CEACAM19: variants seen among roughly 807,000 people sequenced by gnomAD.
CEACAM19 encodes cell adhesion molecule CEACAM19.
Under a neutral mutation model 37.6 loss-of-function variants are expected in CEACAM19, and 37 were observed. The ratio of observed to expected loss-of-function variants is 0.98; its 90% CI spans 0.76 to 1.29. CEACAM19 has a LOEUF of 1.29. CEACAM19 is among the 50% of genes most tolerant of loss of function. The probability of loss-of-function intolerance (pLI) is 0.00; values close to 1 mark genes in which losing one functional copy is unlikely to be tolerated. For synonymous variants in CEACAM19, 140 were observed against 149.8 expected, an observed-to-expected ratio of 0.93 and a Z score of 0.48; for missense variants, 340 against 375.6, an observed-to-expected ratio of 0.91 and a Z score of 0.78.
At chr19:44,668,876 G>C (rs1425492075), upstream of CEACAM19, among the ~76,000 whole-genome samples, 2 of 132,978 alleles carry the variant, frequency 1.5e-5, no homozygotes, top group East Asian at 4.3e-4. Context: ...CCGGAGTGCA[G>C]TGGCACAATC....
upstream of CEACAM19, among the ~76,000 whole-genome samples, chr19:44,670,781 GAAAAAAAAAAAAAAAAAAAA>G (rs74691226): frequency 1.7e-5 from 1 of 58,156 alleles, no homozygotes; most frequent in East Asian, 8.3e-4. Context: ...CCTGTCTCAA[GAAAAAAAAAAAAAAAAAAAA>G]AAAAAAAAAA....
intron 5 of CEACAM19, 48 bp from the exon 6 acceptor site, chr19:44,681,179 C>T (rs1974050948): frequency 1.5e-6 from 2 of 1,312,638 alleles, no homozygotes; most frequent in Non-Finnish European, 2.2e-6. Context: ...TCAGAGTGGC[C>T]TGTGGGGCCC....
intron 3 of CEACAM19, 105 bp from the exon 4 acceptor site, chr19:44,678,748 C>T (rs761521139): frequency 1.4e-6 from 2 of 1,477,192 alleles, no homozygotes; most frequent in Non-Finnish European, 1.8e-6. Context: ...ACACCTTCCA[C>T]CCCCTCCCCC....
chr19:44,671,827 C>T lies in CEACAM19; in HGVS notation c.-105C>T, dbSNP rs930871556. On this transcript the variant is annotated 5_prime_UTR_variant, in exon 1 of 8. Coordinates refer to ENST00000358777, the MANE Select transcript of CEACAM19 (RefSeq NM_001127893.3). Reference sequence around the variant, plus strand: ...CCCCAGCGGTGTCTCTAAGGCACCCCTGGGATCCCCACTGAGCTGGCCTAC... The same window carrying T: ...CCCCAGCGGTGTCTCTAAGGCACCCTTGGGATCCCCACTGAGCTGGCCTAC... 4 of 985,042 alleles carry T rather than the reference C, an allele frequency of 4.1e-6. No homozygotes were observed. The highest frequency in any genetic ancestry group is 6.2e-6 in the Non-Finnish European group (4 of 646,390). 61.0% of individuals were successfully genotyped at this position (985,042 alleles called of 1,614,324 possible).
At chr19:44,677,161 C>G (rs1245116128) in intron 3 of CEACAM19, among the ~76,000 whole-genome samples, 1 of 152,066 alleles carries the variant, frequency 6.6e-6, no homozygotes, top group Non-Finnish European at 1.5e-5. Flanking sequence ...CAACAAGAGC[C>G]CCAAGTCTAC....
chr19:44,672,739 C>A lies in CEACAM19; in HGVS notation c.199C>A (p.Leu67Met). The change falls in exon 2 of 8, where the codon CTG (leucine) becomes ATG (methionine). Residue 67 changes from leucine (L) to methionine (M), a missense_variant. Physicochemically the swap from Leu to Met is conservative, Grantham distance 15 (BLOSUM62 2). Coordinates refer to ENST00000358777, the MANE Select transcript of CEACAM19 (RefSeq NM_001127893.3). ...PDTFQDFNWY[L>M]GEETYGGTRL... ...CACCTTCCAGGACTTCAACTGGTACCTGGGGGAGGAGACGTACGGAGGCAC... is the reference window on the plus strand; with the variant it reads ...CACCTTCCAGGACTTCAACTGGTACATGGGGGAGGAGACGTACGGAGGCAC... 1.3e-6 allele frequency: 2 copies of A among 1,584,984 alleles called. No individual in the cohort carries two copies. Among genetic ancestry groups the A allele is most frequent in the Non-Finnish European group, 1.7e-6 (2 of 1,164,092 alleles).
intron 1 of CEACAM19, among the ~76,000 whole-genome samples, chr19:44,666,386 G>A (rs555290406): frequency 2.0e-5 from 3 of 152,200 alleles, no homozygotes; most frequent in Non-Finnish European, 2.9e-5. Flanking sequence ...AAGGATTGAA[G>A]GGCCGGGCAC....
In CEACAM19 at chr19:44,676,836, G is replaced by A. The variant is rs902691362; in HGVS notation, c.575+415G>A. Among the ~76,000 whole-genome samples the A allele has an allele frequency of 4.6e-5, 7 of 152,046 alleles. No individual in the cohort carries two copies. The East Asian group carries it at 5.8e-4, about 13-fold the overall frequency. On this transcript the variant is annotated intron_variant, in intron 3 of 7. Transcript: ENST00000358777. ...ATGGGGTTTTGCCCAGGCTGGTCTCGAACTCCTGGGCTCAAGTGATCCTCC... is the reference window on the plus strand; with the variant it reads ...ATGGGGTTTTGCCCAGGCTGGTCTCAAACTCCTGGGCTCAAGTGATCCTCC...
upstream of CEACAM19, among the ~76,000 whole-genome samples, chr19:44,668,485 T>A (rs866316553): frequency 0.014 from 823 of 57,754 alleles, 13 homozygotes; most frequent in Non-Finnish European, 0.02. Flanking sequence ...AATATATATA[T>A]TATATATATT....
chr19:44,682,548 C>A lies in CEACAM19; in HGVS notation c.793-19C>A. The A allele has an allele frequency of 6.3e-7, 1 of 1,589,534 alleles. No homozygotes were observed. The highest frequency in any genetic ancestry group is 1.8e-5 in the Admixed American group (1 of 56,550). On this transcript the variant is annotated intron_variant, in intron 6 of 7. Transcript: ENST00000358777. ...TGGGGGGTGCCGAGCGCCCACTCAC[C>A]CGTGTCCTTCCCTTGCAGCCCCTGC...
At chr19:44,667,864 A>G (rs1249386899), upstream of CEACAM19, among the ~76,000 whole-genome samples, 1 of 73,394 alleles carries the variant, frequency 1.4e-5, no homozygotes, top group Non-Finnish European at 2.2e-5. Context: ...TATATAAATT[A>G]TATATAATAT....
chr19:44,674,331 T>TC (rs1973908910), intron 2 of CEACAM19, among the ~76,000 whole-genome samples: 1 of 151,788 alleles, frequency 6.6e-6, no homozygotes. Context: ...TTTTTTTTTT[T>TC]CAATTTAAAA....
intron 5 of CEACAM19, 79 bp downstream of exon 5, chr19:44,680,413 T>C (rs1209154882): frequency 4.5e-6 from 6 of 1,325,862 alleles, no homozygotes; most frequent in Admixed American, 3.6e-5. Context: ...CAAGCCCGCT[T>C]ATTCTCCCTC....
Position 44,671,729 on chromosome 19 carries a change from C to T in CEACAM19, c.-203C>T, listed in dbSNP as rs1599786069. The T allele has an allele frequency of 1.9e-6, 1 of 533,470 alleles. No individual in the cohort carries two copies. The highest frequency in any genetic ancestry group is 3.1e-5 in the Admixed American group (1 of 32,220). The allele number at this position is 533,470 out of a possible 1,614,324, so 33.0% of individuals were successfully genotyped here. ...CCTGAAAAACTGGTTCAACCTCTGT[C>T]TGTGCTCCCATCCCAGGGAGTATAG... On this transcript the variant is annotated 5_prime_UTR_variant, in exon 1 of 8. Coordinates refer to ENST00000358777, the MANE Select transcript of CEACAM19 (RefSeq NM_001127893.3).
chr19:44,680,538 A>G (rs1811752807), intron 5 of CEACAM19, among the ~76,000 whole-genome samples: 1 of 151,534 alleles, frequency 6.6e-6, no homozygotes, highest in East Asian at 1.9e-4. Context: ...TCTTCTTCTC[A>G]GTGGCTAGCA....
rs2123785628 is a variant in CEACAM19, at chr19:44,671,493, C to T, written c.-439C>T. ...GTCTATTGGCAGACTTGCCTCTTTT[C>T]CTGGGCCTCTGTTTCCACATCTGTG... On this transcript the variant is annotated 5_prime_UTR_variant, in exon 1 of 8. Coordinates refer to ENST00000358777, the MANE Select transcript of CEACAM19 (RefSeq NM_001127893.3). The T allele has an allele frequency of 2.5e-6, 1 of 397,670 alleles. No homozygotes were observed. The highest frequency in any genetic ancestry group is 3.6e-5 in the East Asian group (1 of 28,078). 24.6% of individuals were successfully genotyped at this position (397,670 alleles called of 1,614,324 possible).
At chr19:44,683,055 A>ACC (rs1491495609) in intron 7 of CEACAM19, 20 of 150,956 alleles carry the variant, frequency 1.3e-4, no homozygotes, top group African/African-American at 5.4e-4. Context: ...CCTTTCTTGG[A>ACC]CTCTCTCTCT....
chr19:44,667,476 A>G (rs1347399287), upstream of CEACAM19, among the ~76,000 whole-genome samples: 2 of 144,740 alleles, frequency 1.4e-5, no homozygotes, highest in African/African-American at 2.6e-5. Context: ...ATTTAATTTT[A>G]GTTACTTTGA....
In CEACAM19 at chr19:44,672,697, G is replaced by C. The variant is rs151326492; in HGVS notation, c.157G>C (p.Val53Leu). The C allele has an allele frequency of 6.3e-7, 1 of 1,576,076 alleles. No homozygotes were observed. Among genetic ancestry groups the C allele is most frequent in the African/African-American group, 1.4e-5 (1 of 73,652 alleles). The part of the protein sequence containing the change: ...PQKNQDLLLS[V>L]QGVPDTFQDF... ...AAAGAACCAGGACCTTCTCCTGTCAGTCCAGGGTGTCCCAGACACCTTCCA... is the reference window on the plus strand; with the variant it reads ...AAAGAACCAGGACCTTCTCCTGTCACTCCAGGGTGTCCCAGACACCTTCCA... Residue 53 changes from valine to leucine, a missense_variant, in exon 2 of 8, where the codon GTC (valine) becomes CTC (leucine). Coordinates refer to ENST00000358777, the MANE Select transcript of CEACAM19 (RefSeq NM_001127893.3).
Sources: gnomAD v4.1 joint callset for allele counts (sites outside exome capture counted in the v4.1 genomes callset) on GRCh38, gnomAD v4.1.1 for gene constraint, MANE v1.5 for transcripts, NCBI Gene and HGNC (gene_info 2026-07-23, HGNC 2026-07-21) for gene names.